The following DENND1A variants were observed in gnomAD, a reference collection of about 807,000 sequenced individuals.
DENND1A encodes the protein DENN domain-containing protein 1A.
A neutral mutation model predicts 113.7 loss-of-function variants in DENND1A; 51 were observed. The ratio of observed to expected loss-of-function variants is 0.45; its 90% CI spans 0.36 to 0.57. The LOEUF is 0.57. DENND1A is among the 20% of genes least tolerant of loss of function. DENND1A has a pLI of 0.00. For synonymous variants in DENND1A, 565 were observed against 570.8 expected, an observed-to-expected ratio of 0.99 and a Z score of 0.14; for missense variants, 1,258 against 1,395.9, an observed-to-expected ratio of 0.90 and a Z score of 1.57.
intron 2 of DENND1A, among the ~76,000 whole-genome samples, chr9:123,877,709 G>T (rs996019876): frequency 8.6e-5 from 13 of 150,848 alleles, no homozygotes; most frequent in Non-Finnish European, 4.4e-5. Context: ...TGTAATCCCA[G>T]CTACTTGGGA....
intron 12 of DENND1A, among the ~76,000 whole-genome samples, chr9:123,571,065 C>A (rs982955184): frequency 6.6e-6 from 1 of 152,094 alleles, no homozygotes; most frequent in East Asian, 1.9e-4. Flanking sequence ...AGGCATTAAC[C>A]TTGCCAACCT....
At chr9:123,417,426 G>A (rs2044824806) in intron 19 of DENND1A, among the ~76,000 whole-genome samples, 1 of 152,206 alleles carries the variant, frequency 6.6e-6, no homozygotes, top group Non-Finnish European at 1.5e-5. Flanking sequence ...CCCTGGTGAG[G>A]CAAGTTAGAG....
chr9:123,467,314 G>A (rs1033545722), intron 13 of DENND1A, among the ~76,000 whole-genome samples: 5 of 152,268 alleles, frequency 3.3e-5, no homozygotes, highest in Middle Eastern at 6.8e-3. Flanking sequence ...CACATGTTCT[G>A]TGCGTGTCTC....
intron 2 of DENND1A, among the ~76,000 whole-genome samples, chr9:123,865,542 A>T (rs1368433877): frequency 6.6e-6 from 1 of 152,196 alleles, no homozygotes; most frequent in African/African-American, 2.4e-5. Flanking sequence ...GGATCAGGGG[A>T]TGTCCCCCCA....
In DENND1A at chr9:123,920,438, A is replaced by AC. The variant is rs1856026311; in HGVS notation, c.17+9450_17+9451insG. ...GAGCAAGGCTCTGTCACACACACAC[A>AC]AAAAAAACACTTTAAAAAGACTGAA... On this transcript the variant is annotated intron_variant, in intron 1 of 23. Coordinates refer to ENST00000394215, the MANE Select transcript of DENND1A (RefSeq NM_001352964.2). Among the ~76,000 whole-genome samples, 4 of 151,668 alleles carry AC rather than the reference A, an allele frequency of 2.6e-5. No individual in the cohort carries two copies. In the South Asian group the frequency reaches 6.2e-4, roughly 24 times the overall value.
At chr9:123,512,580 G>A (rs1327197754) in intron 13 of DENND1A, among the ~76,000 whole-genome samples, 1 of 152,196 alleles carries the variant, frequency 6.6e-6, no homozygotes. Context: ...GGTCCCACTG[G>A]CTATTCTGCA....
At chr9:123,567,258 A>G (rs182717865) in intron 12 of DENND1A, among the ~76,000 whole-genome samples, 3 of 152,368 alleles carry the variant, frequency 2.0e-5, no homozygotes, top group East Asian at 1.9e-4. Flanking sequence ...AAAGGTGCTC[A>G]TGGAAATTCT....
intron 6 of DENND1A, among the ~76,000 whole-genome samples, chr9:123,673,969 C>G (rs2063893303): frequency 6.6e-6 from 1 of 152,072 alleles, no homozygotes; most frequent in Admixed American, 6.5e-5. Context: ...GCCTCTACTG[C>G]CCAACCCCTC....
intron 12 of DENND1A, among the ~76,000 whole-genome samples, chr9:123,576,863 A>T (rs542661822): frequency 3.3e-5 from 5 of 152,316 alleles, no homozygotes; most frequent in Non-Finnish European, 5.9e-5. Context: ...CTCTGGCAAT[A>T]AGTCTGCTAG....
At chr9:123,795,844 G>C (rs972161411) in intron 2 of DENND1A, among the ~76,000 whole-genome samples, 5 of 152,210 alleles carry the variant, frequency 3.3e-5, no homozygotes, top group African/African-American at 1.2e-4. Flanking sequence ...CTGCAGGGAA[G>C]AGTACTACCA....
chr9:123,515,884 C>T (rs1048223953), intron 13 of DENND1A, among the ~76,000 whole-genome samples: 3 of 151,784 alleles, frequency 2.0e-5, no homozygotes, highest in Middle Eastern at 3.2e-3. Context: ...CTGGGCAACA[C>T]GGGGAAACCC....
intron 13 of DENND1A, among the ~76,000 whole-genome samples, chr9:123,461,591 T>A (rs1054869421): frequency 1.3e-5 from 2 of 152,120 alleles, no homozygotes; most frequent in African/African-American, 4.8e-5. Flanking sequence ...CAGGAAGAAG[T>A]CTGCTGAGGG....
At chr9:123,410,744 C>T (rs149056306) in intron 20 of DENND1A, among the ~76,000 whole-genome samples, 14 of 152,288 alleles carry the variant, frequency 9.2e-5, no homozygotes, top group African/African-American at 1.7e-4. Context: ...GATTTGGACA[C>T]GTGTGTTGCA....
intron 13 of DENND1A, among the ~76,000 whole-genome samples, chr9:123,537,770 A>G (rs1037723073): frequency 2.6e-5 from 4 of 152,370 alleles, no homozygotes; most frequent in Middle Eastern, 3.4e-3. Flanking sequence ...CACATTCAAG[A>G]TACTCAAAAT....
At chr9:123,841,417 A>G (rs749824152) in intron 2 of DENND1A, among the ~76,000 whole-genome samples, 9 of 152,180 alleles carry the variant, frequency 5.9e-5, no homozygotes, top group Non-Finnish European at 1.0e-4. Flanking sequence ...CACATAAATT[A>G]CCTAATTTTC....
chr9:123,711,499 A>ATG (rs2066600484), intron 5 of DENND1A, among the ~76,000 whole-genome samples: 3 of 75,024 alleles, frequency 4.0e-5, no homozygotes, highest in South Asian at 4.4e-4. Flanking sequence ...ATATATATAT[A>ATG]TATATGTATA....
chr9:123,711,063 C>G (rs1056696362), intron 5 of DENND1A, among the ~76,000 whole-genome samples: 1 of 152,038 alleles, frequency 6.6e-6, no homozygotes, highest in East Asian at 1.9e-4. Context: ...TAAACAAATA[C>G]GCATTATATT....
At chr9:123,617,403 T>C (rs2060707403) in intron 10 of DENND1A, among the ~76,000 whole-genome samples, 1 of 152,136 alleles carries the variant, frequency 6.6e-6, no homozygotes, top group African/African-American at 2.4e-5. Context: ...GACACGTGTA[T>C]CACTGGAGCT....
intron 13 of DENND1A, among the ~76,000 whole-genome samples, chr9:123,537,747 G>C (rs999889348): frequency 6.6e-6 from 1 of 151,940 alleles, no homozygotes; most frequent in Non-Finnish European, 1.5e-5. Context: ...TTTGCGAGAA[G>C]AAAATGAAGT....
Sources: gnomAD v4.1 joint callset for allele counts (sites outside exome capture counted in the v4.1 genomes callset) on GRCh38, gnomAD v4.1.1 for gene constraint, MANE v1.5 for transcripts, NCBI Gene and HGNC (gene_info 2026-07-23, HGNC 2026-07-21) for gene names.